RYR2: variants seen among roughly 807,000 people sequenced by gnomAD.
RYR2 encodes the protein cardiac muscle ryanodine receptor-calcium release channel.
In RYR2, 227 loss-of-function variants were observed where a neutral mutation model predicts 601.1. The observed-to-expected ratio is 0.38, with a 90% CI of 0.34 to 0.42. The LOEUF (loss-of-function observed/expected upper bound fraction) is 0.42, where lower values mean the gene tolerates loss of function less well. RYR2 is among the 10% of genes least tolerant of loss of function. The pLI is 1.00. For synonymous variants in RYR2, 2,223 were observed against 2,175.1 expected, an observed-to-expected ratio of 1.02 and a Z score of -0.61; for missense variants, 4,646 against 6,156.5, an observed-to-expected ratio of 0.75 and a Z score of 8.21.
chr1:237,549,114 G>A (rs890062618), intron 26 of RYR2, among the ~76,000 whole-genome samples: 1 of 152,276 alleles, frequency 6.6e-6, no homozygotes, highest in Non-Finnish European at 1.5e-5. Flanking sequence ...AGGGGTAAAG[G>A]CCATAAACAG....
In RYR2 at chr1:237,500,601, G is replaced by C. The variant is rs1664531628; in HGVS notation, c.2204-110G>C. On this transcript the variant is annotated intron_variant, in intron 20 of 104. Coordinates refer to ENST00000366574, the MANE Select transcript of RYR2 (RefSeq NM_001035.3). ...ACATTCAAGATTTATTCCTTCTGAT[G>C]TTGTGCATTGGTTTGTCACTACTTA... is the stretch of plus-strand genomic sequence containing the variant. The C allele has an allele frequency of 1.1e-5, 9 of 806,024 alleles. No individual in the cohort carries two copies. In the East Asian group the frequency reaches 2.2e-4, roughly 20 times the overall value. 49.9% of individuals were successfully genotyped at this position (806,024 alleles called of 1,614,324 possible). A position where few individuals can be genotyped will look rare whatever the true frequency, so the allele number is the denominator to read the frequency against.
chr1:237,137,398 G>A (rs1357546688), intron 1 of RYR2, among the ~76,000 whole-genome samples: 1 of 152,140 alleles, frequency 6.6e-6, no homozygotes, highest in Non-Finnish European at 1.5e-5. Flanking sequence ...CAGATGTTAA[G>A]GCTTCTAATA....
At position 237,654,389 on chromosome 1, in the gene RYR2, G is replaced by T. The variant is rs776908944; in HGVS notation, c.7940G>T (p.Gly2647Val). The T allele has an allele frequency of 1.9e-6, 3 of 1,613,748 alleles. No homozygotes were observed. The highest frequency in any genetic ancestry group is 3.3e-5 in the Admixed American group (2 of 59,994). ...ELHLSRKLFW[G>V]IFDALSQKKY... ...CATTTATCAAGAAAGTTGTTCTGGG[G>T]CATTTTTGATGCCCTGTCTCAAAAG... is the stretch of plus-strand genomic sequence containing the variant. Residue 2647 changes from glycine to valine, a missense_variant, in exon 52 of 105, where the codon GGC (glycine) becomes GTC (valine). Around this residue, in one of 17 missense-constraint regions of RYR2, gnomAD observed 1,497 missense variants for 1,842.6 expected, o/e 0.81. Transcript: ENST00000366574.
intron 1 of RYR2, among the ~76,000 whole-genome samples, chr1:237,144,820 T>A (rs1312313111): frequency 6.6e-6 from 1 of 152,220 alleles, no homozygotes; most frequent in East Asian, 1.9e-4. Context: ...ACTTAAGTTA[T>A]AAAGTCTAGT....
At chr1:237,328,552 C>T (rs1211679046) in intron 2 of RYR2, among the ~76,000 whole-genome samples, 1 of 151,360 alleles carries the variant, frequency 6.6e-6, no homozygotes, top group African/African-American at 2.4e-5. Flanking sequence ...GTTGGGTAAA[C>T]AGGAGCCCAT....
At chr1:237,665,238 A>C (rs1684201808) in intron 56 of RYR2, among the ~76,000 whole-genome samples, 1 of 152,048 alleles carries the variant, frequency 6.6e-6, no homozygotes, top group Non-Finnish European at 1.5e-5. Flanking sequence ...GTCTCTACTA[A>C]AAATATGAAA....
chr1:237,566,578 G>T lies in RYR2; in HGVS notation c.3226G>T (p.Glu1076Ter). ...TGTCCATTTCCCAGCAGCCAGAGCC[G>T]AAGTGTGCAGCGGCACCGGGGAAAG... is the stretch of plus-strand genomic sequence containing the variant. ...APDQDHAARA[E>*]VCSGTGERFR... The change falls in exon 28 of 105, where the codon GAA (glutamate) becomes TAA (stop). Residue 1076 changes from glutamate (E) to a stop codon, truncating the protein, a stop_gained. Coordinates refer to ENST00000366574, the MANE Select transcript of RYR2 (RefSeq NM_001035.3). LOFTEE classifies it high-confidence loss of function. 6.2e-7 allele frequency: 1 copy of T among 1,613,624 alleles called. No individual in the cohort carries two copies. The highest frequency in any genetic ancestry group is 8.5e-7 in the Non-Finnish European group (1 of 1,179,674).
intron 1 of RYR2, among the ~76,000 whole-genome samples, chr1:237,052,830 C>T (rs1362451805): frequency 6.6e-6 from 1 of 151,906 alleles, no homozygotes; most frequent in Non-Finnish European, 1.5e-5. Flanking sequence ...ATGCCCTTTG[C>T]CTCTCTTCTT....
intron 97 of RYR2, among the ~76,000 whole-genome samples, chr1:237,799,662 G>A (rs1405354942): frequency 6.6e-6 from 1 of 152,160 alleles, no homozygotes; most frequent in Non-Finnish European, 1.5e-5. Context: ...CTTTACTAAA[G>A]CATTTAGGAA....
intron 1 of RYR2, among the ~76,000 whole-genome samples, chr1:237,253,982 G>T (rs921350252): frequency 3.9e-5 from 6 of 152,144 alleles, no homozygotes; most frequent in East Asian, 1.9e-4. Context: ...TTTTTCAAAA[G>T]CACATCTATG....
intron 77 of RYR2, 59 bp from the exon 78 acceptor site, chr1:237,731,987 T>A (rs1375449265): frequency 3.6e-6 from 4 of 1,097,244 alleles, no homozygotes; most frequent in South Asian, 2.7e-5. Context: ...ACAGTGCTTT[T>A]GGATTTGAGT....
chr1:237,693,108 C>T (rs1687092098), intron 63 of RYR2, among the ~76,000 whole-genome samples: 1 of 152,132 alleles, frequency 6.6e-6, no homozygotes, highest in Non-Finnish European at 1.5e-5. Flanking sequence ...TGGAAATTTT[C>T]TTACATTCAC....
At chr1:237,396,909 A>G (rs79928436) in intron 10 of RYR2, among the ~76,000 whole-genome samples, 83 of 152,314 alleles carry the variant, frequency 5.4e-4, no homozygotes, top group Non-Finnish European at 2.5e-4. Flanking sequence ...GGGAAAAAAA[A>G]TCAGAAAAAA....
intron 16 of RYR2, among the ~76,000 whole-genome samples, chr1:237,467,785 C>T (rs1332690080): frequency 6.6e-6 from 1 of 151,808 alleles, no homozygotes; most frequent in Non-Finnish European, 1.5e-5. Flanking sequence ...CTGCTCTTAA[C>T]AGGGAGGTTA....
chr1:237,781,743 A>T (rs1695130015), intron 89 of RYR2, 97 bp downstream of exon 89: 1 of 556,058 alleles, frequency 1.8e-6, no homozygotes, highest in South Asian at 3.3e-5. Context: ...ATAAAATAGC[A>T]CTCAGATATG....
chr1:237,149,798 C>T (rs1674500291), intron 1 of RYR2, among the ~76,000 whole-genome samples: 2 of 151,420 alleles, frequency 1.3e-5, no homozygotes, highest in East Asian at 3.8e-4. Flanking sequence ...GAAGTCCGAG[C>T]TACTTCAATG....
intron 2 of RYR2, among the ~76,000 whole-genome samples, chr1:237,272,100 A>T (rs1689749056): frequency 6.6e-6 from 1 of 152,174 alleles, no homozygotes; most frequent in Non-Finnish European, 1.5e-5. Context: ...ACTGCACTCC[A>T]GCCTGGGTGA....
chr1:237,124,651 T>C (rs533920544), intron 1 of RYR2, among the ~76,000 whole-genome samples: 1 of 152,330 alleles, frequency 6.6e-6, no homozygotes, highest in African/African-American at 2.4e-5. Flanking sequence ...TAGTAGAGTC[T>C]TTCTCACATC....
rs1304902457 is a variant in RYR2 at position 237,606,104 on chromosome 1, T to C, written c.4683+3993T>C. Among the ~76,000 whole-genome samples the C allele has an allele frequency of 3.1e-4, 47 of 151,616 alleles. No homozygotes were observed. In the East Asian group the frequency reaches 4.7e-3, roughly 15 times the overall value. ...TATGGAACCAAAAAAGAGCCTGCAT[T>C]GCCAAGTCAATCCTAAGCCAAAAGA... On this transcript the variant is annotated intron_variant, in intron 35 of 104. Transcript: ENST00000366574.
Sources: gnomAD v4.1 joint callset for allele counts (sites outside exome capture counted in the v4.1 genomes callset) on GRCh38, gnomAD v4.1.1 for gene constraint, gnomAD v4.1.1 regional missense constraint, MANE v1.5 for transcripts, NCBI Gene and HGNC (gene_info 2026-07-23, HGNC 2026-07-21) for gene names.